The following OR13A1 variants were observed in gnomAD, a reference collection of about 807,000 sequenced individuals.
OR13A1 encodes the protein olfactory receptor family 13 subfamily A member 1.
Under a neutral mutation model 7.5 loss-of-function variants are expected in OR13A1, and 10 were observed. The ratio of observed to expected loss-of-function variants is 1.34; its 90% CI spans 0.83 to 2.27. The LOEUF is 2.27. Ranked by LOEUF, OR13A1 falls within the 30% of genes most tolerant of loss-of-function variation. OR13A1 has a pLI of 0.00. For synonymous variants in OR13A1, 238 were observed against 177.9 expected (o/e 1.34, Z -2.69); for missense variants, 509 against 419.1 (o/e 1.21, Z -1.87).
chr10:45,312,876 T>G (rs1838467640), intron 1 of OR13A1, among the ~76,000 whole-genome samples: 1 of 151,994 alleles, frequency 6.6e-6, no homozygotes, highest in African/African-American at 2.4e-5. Flanking sequence ...GAACAAAAAC[T>G]GGGGAGTTCA....
At chr10:45,315,173 G>A (rs904558196) in intron 1 of OR13A1, among the ~76,000 whole-genome samples, 1 of 152,164 alleles carries the variant, frequency 6.6e-6, no homozygotes. Context: ...ATGTGGCAGG[G>A]TGTGCTGGCT....
At chr10:45,313,977 G>C (rs1196346154) in intron 1 of OR13A1, among the ~76,000 whole-genome samples, 37 of 152,044 alleles carry the variant, frequency 2.4e-4, no homozygotes, top group Admixed American at 2.4e-3. Flanking sequence ...AGTTTACATG[G>C]AATATTCCCA....
rs567617614 is a variant in OR13A1, at chr10:45,312,150, C to A, written c.-225+3374G>T. Among the ~76,000 whole-genome samples, 5 of 151,958 alleles carry A rather than the reference C, an allele frequency of 3.3e-5. No homozygotes were observed. The South Asian group carries it at 1.0e-3, about 32-fold the overall frequency. On this transcript the variant is annotated intron_variant, in intron 1 of 3. Transcript: ENST00000553795. The stretch of plus-strand genomic sequence containing the variant: ...GCCTAATATACATATAATTAGACCC[C>A]ATAAGGGCATGAGAAATGGGAGAAG...
intron 1 of OR13A1, chr10:45,308,664 T>C (rs1248298330): frequency 6.6e-6 from 1 of 152,168 alleles, no homozygotes; most frequent in Non-Finnish European, 1.5e-5. Flanking sequence ...CTTTTCCCAT[T>C]TTTTAAATGT....
Position 45,303,322 on chromosome 10 carries a change from C to T in OR13A1, c.*114G>A. ...CCAGCACTCCCAGCTCATCCATGCA[C>T]AGGTTCTGCTGGGTTAGAAAAAACA... On this transcript the variant is annotated 3_prime_UTR_variant, in exon 4 of 4. Coordinates refer to ENST00000553795, the MANE Select transcript of OR13A1 (RefSeq NM_001004297.3). The T allele has an allele frequency of 1.8e-6, 2 of 1,137,642 alleles. No homozygotes were observed. The highest frequency in any genetic ancestry group is 1.3e-6 in the Non-Finnish European group (1 of 795,658). 70.5% of individuals were successfully genotyped at this position (1,137,642 alleles called of 1,614,324 possible).
chr10:45,306,828 A>T (rs1287170644), intron 3 of OR13A1, among the ~76,000 whole-genome samples: 2 of 152,232 alleles, frequency 1.3e-5, no homozygotes, highest in Non-Finnish European at 2.9e-5. Flanking sequence ...CAGCTCAATA[A>T]CTTGAGTGGA....
intron 1 of OR13A1, among the ~76,000 whole-genome samples, chr10:45,314,258 C>T (rs1476084705): frequency 6.6e-6 from 1 of 151,906 alleles, no homozygotes; most frequent in Non-Finnish European, 1.5e-5. Context: ...GCAGCAGAAG[C>T]AGTGCTAACA....
intron 1 of OR13A1, among the ~76,000 whole-genome samples, chr10:45,314,142 C>T (rs1312721262): frequency 6.6e-6 from 1 of 151,984 alleles, no homozygotes; most frequent in Non-Finnish European, 1.5e-5. Context: ...AATTAAACAA[C>T]ACAGTTTTCA....
chr10:45,305,996 T>C (rs1838320498), intron 3 of OR13A1, among the ~76,000 whole-genome samples: 1 of 152,210 alleles, frequency 6.6e-6, no homozygotes, highest in South Asian at 2.1e-4. Context: ...GCAGGCAGTG[T>C]GTAGACACTC....
rs116278657 is a variant in OR13A1 at position 45,304,061 on chromosome 10, A to G, written c.362T>C (p.Phe121Ser). 1.2e-4 allele frequency: 187 copies of G among 1,613,754 alleles called. 1 individual carries two copies. The East Asian group carries it at 2.7e-3, about 23-fold the overall frequency. Residue 121 changes from phenylalanine (F) to serine (S), a missense_variant, in exon 4 of 4, where the codon TTC (phenylalanine) becomes TCC (serine). Transcript: ENST00000553795. ...CTCTGAGGATGCAGCCCACGTGAGG[A>G]AATAGAGCTGGGCCATGCAGCCCCC... is the stretch of plus-strand genomic sequence containing the variant. ...SYGGCMAQLY[F>S]LTWAASSELL...
At position 45,308,209 on chromosome 10, in the gene OR13A1, G is replaced by A. The variant is rs561643751; in HGVS notation, c.-224-401C>T. Among the ~76,000 whole-genome samples, 21 of 152,276 alleles carry A rather than the reference G, an allele frequency of 1.4e-4. 2 individuals are homozygous for A. The highest frequency in any genetic ancestry group is 1.2e-3 in the Admixed American group (19 of 15,304). ...ACATGCCAGAATCGCATATGTTCAGGGTCAAATCTGAAAGACATTTTGAAG... is the reference window on the plus strand; with the variant it reads ...ACATGCCAGAATCGCATATGTTCAGAGTCAAATCTGAAAGACATTTTGAAG... On this transcript the variant is annotated intron_variant, in intron 1 of 3. Transcript: ENST00000553795.
intron 3 of OR13A1, among the ~76,000 whole-genome samples, chr10:45,305,942 G>A (rs925318420): frequency 9.9e-4 from 151 of 152,174 alleles, no homozygotes; most frequent in Non-Finnish European, 1.8e-3. Context: ...ACATATGCCC[G>A]TTTATCTCTG....
intron 3 of OR13A1, among the ~76,000 whole-genome samples, chr10:45,305,608 C>G (rs1368953554): frequency 6.6e-6 from 1 of 152,196 alleles, no homozygotes; most frequent in Non-Finnish European, 1.5e-5. Flanking sequence ...CTCCCAGCAA[C>G]TTTTCCTGGA....
Position 45,304,014 on chromosome 10 carries a change from C to T in OR13A1, c.409G>A (p.Ala137Thr). 1 of 1,612,738 alleles carries T rather than the reference C, an allele frequency of 6.2e-7. No individual in the cohort carries two copies. Among genetic ancestry groups the T allele is most frequent in the African/African-American group, 1.3e-5 (1 of 75,028 alleles). ...SSELLLLTVM[A>T]YDRYAAICHP... Reference sequence around the variant, plus strand: ...CAGATGGCTGCGTACCGGTCATAGGCCATGACCGTGAGGAGCAGCAGCTCT... The same window carrying T: ...CAGATGGCTGCGTACCGGTCATAGGTCATGACCGTGAGGAGCAGCAGCTCT... Residue 137 changes from alanine to threonine, a missense_variant, in exon 4 of 4, where the codon GCC becomes ACC. Coordinates refer to ENST00000553795, the MANE Select transcript of OR13A1 (RefSeq NM_001004297.3).
chr10:45,308,040 A>G (rs1228051050), intron 1 of OR13A1, among the ~76,000 whole-genome samples: 2 of 152,242 alleles, frequency 1.3e-5, no homozygotes, highest in African/African-American at 4.8e-5. Flanking sequence ...ATAATGGAGA[A>G]CTTGACTCAT....
chr10:45,315,113 T>A (rs1425469478), intron 1 of OR13A1, among the ~76,000 whole-genome samples: 1 of 152,130 alleles, frequency 6.6e-6, no homozygotes, highest in Non-Finnish European at 1.5e-5. Context: ...CAGACCAATA[T>A]TTGTGATGAT....
At position 45,303,901 on chromosome 10, in the gene OR13A1, C is replaced by G. The variant is rs372588526; in HGVS notation, c.522G>C (p.Thr174=). 8.7e-6 allele frequency: 14 copies of G among 1,613,412 alleles called. No individual in the cohort carries two copies. The highest frequency in any genetic ancestry group is 1.7e-5 in the Admixed American group (1 of 60,012). The part of the protein sequence containing the change: ...TAVWLLCAVN[T]AIHTGLMLRL... ...GCAGCATCAGCCCCGTGTGGATGGCCGTGTTGACGGCGCAGAGCAGCCACA... is the reference window on the plus strand; with the variant it reads ...GCAGCATCAGCCCCGTGTGGATGGCGGTGTTGACGGCGCAGAGCAGCCACA... Residue 174 remains threonine, a synonymous_variant, in exon 4 of 4, where the codon ACG becomes ACC. Transcript: ENST00000553795.
intron 3 of OR13A1, among the ~76,000 whole-genome samples, chr10:45,305,150 G>A (rs1256971143): frequency 3.0e-4 from 46 of 152,032 alleles, no homozygotes; most frequent in Non-Finnish European, 8.8e-5. Flanking sequence ...CAGGAGAATC[G>A]CTTGAACCTG....
At chr10:45,308,120 T>C (rs764115832) in intron 1 of OR13A1, among the ~76,000 whole-genome samples, 10 of 152,228 alleles carry the variant, frequency 6.6e-5, no homozygotes, top group Non-Finnish European at 4.4e-5. Flanking sequence ...TGTCCTTTTA[T>C]TGTATATGAA....
Sources: gnomAD v4.1 joint callset for allele counts (sites outside exome capture counted in the v4.1 genomes callset) on GRCh38, gnomAD v4.1.1 for gene constraint, MANE v1.5 for transcripts, NCBI Gene and HGNC (gene_info 2026-07-23, HGNC 2026-07-21) for gene names.